Variants in RELN observed in about 807,000 individuals in gnomAD.
The protein encoded by RELN is reelin.
In RELN, 108 loss-of-function variants were observed where a neutral mutation model predicts 427.6. The observed-to-expected ratio is 0.25, with a 90% confidence interval of 0.22 to 0.30. The LOEUF (loss-of-function observed/expected upper bound fraction) is 0.30. Ranked by LOEUF, RELN falls within the 10% of genes least tolerant of loss-of-function variation. The pLI, the probability that RELN is intolerant of heterozygous loss-of-function variation, is 1.00. For synonymous variants in RELN, 1,524 were observed against 1,513.4 expected, an observed-to-expected ratio of 1.01 and a Z score of -0.16; for missense variants, 3,715 against 4,302.8, an observed-to-expected ratio of 0.86 and a Z score of 3.82.
At chr7:103,797,028 T>A (rs1286317584) in intron 3 of RELN, among the ~76,000 whole-genome samples, 2 of 152,166 alleles carry the variant, frequency 1.3e-5, no homozygotes, top group Non-Finnish European at 2.9e-5. Flanking sequence ...TATTAATTGA[T>A]CTCTCCGTAA....
chr7:103,777,237 A>G (rs936775181), intron 3 of RELN, among the ~76,000 whole-genome samples: 5 of 152,178 alleles, frequency 3.3e-5, no homozygotes, highest in African/African-American at 1.2e-4. Flanking sequence ...AAAAAATAAC[A>G]TCCTTGCAGC....
In RELN at chr7:103,610,870, C is replaced by T. The variant is rs1382516245; in HGVS notation, c.2896-63G>A. 6 of 872,926 alleles carry T rather than the reference C, an allele frequency of 6.9e-6. No individual in the cohort carries two copies. In the Admixed American group the frequency reaches 1.0e-4, roughly 15 times the overall value. 54.1% of individuals were successfully genotyped at this position (872,926 alleles called of 1,614,324 possible). A position where few individuals can be genotyped will look rare whatever the true frequency, so the allele number is the denominator to read the frequency against. ...GTTTTCCTCAGGTGAAATATGTCTA[C>T]TCACCCACTGTAAGTGAAAAAGACC... is the stretch of plus-strand genomic sequence containing the variant. On this transcript the variant is annotated intron_variant, in intron 21 of 64. Transcript: ENST00000428762.
chr7:103,909,672 TTAAATATATTTAA>T lies in RELN; in HGVS notation c.337+7390_337+7402del, dbSNP rs1419117186. On this transcript the variant is annotated intron_variant, in intron 2 of 64. Transcript: ENST00000428762. ...TATATTTAATATATATAAATATATA[TTAAATATATTTAA>T]TAAATATATATATTTAATATATATA... Among the ~76,000 whole-genome samples, 121 of 81,256 alleles carry T rather than the reference TTAAATATATTTAA, an allele frequency of 1.5e-3. 9 individuals carry two copies. The highest frequency in any genetic ancestry group is 6.1e-3 in the African/African-American group (112 of 18,442). 53.3% of individuals were successfully genotyped at this position (81,256 alleles called of 152,430 possible).
At chr7:103,941,989 TTAAG>T (rs1463946048) in intron 1 of RELN, among the ~76,000 whole-genome samples, 6 of 151,446 alleles carry the variant, frequency 4.0e-5, no homozygotes, top group African/African-American at 9.7e-5. Flanking sequence ...TACTAATATA[TTAAG>T]TATTAGCATA....
At chr7:103,747,302 T>C (rs1054015259) in intron 6 of RELN, among the ~76,000 whole-genome samples, 3 of 151,914 alleles carry the variant, frequency 2.0e-5, no homozygotes, top group South Asian at 2.1e-4. Context: ...TTAGGAGATA[T>C]ATCTAATGCT....
In RELN at chr7:103,882,513, G is replaced by T. The variant is rs182721703; in HGVS notation, c.337+34562C>A. ...CCTTTAAAAATCCTCCTGCCTGCTG[G>T]TTTTTTTGAAAATCTTATCAAAATA... On this transcript the variant is annotated intron_variant, in intron 2 of 64. Transcript: ENST00000428762. Among the ~76,000 whole-genome samples the T allele has an allele frequency of 7.7e-3, 1,161 of 151,670 alleles. 9 individuals carry two copies. Among genetic ancestry groups the T allele is most frequent in the Non-Finnish European group, 0.013 (906 of 67,910 alleles).
chr7:103,638,646 A>T (rs1832633830), intron 17 of RELN, among the ~76,000 whole-genome samples: 1 of 152,238 alleles, frequency 6.6e-6, no homozygotes, highest in South Asian at 2.1e-4. Context: ...GTAAGCGAAC[A>T]AAGCCAATGA....
intron 28 of RELN, among the ~76,000 whole-genome samples, chr7:103,576,951 C>T (rs1015455246): frequency 9.9e-5 from 15 of 152,284 alleles, no homozygotes; most frequent in Non-Finnish European, 2.2e-4. Context: ...CACGTGCACA[C>T]ACGCACACAC....
intron 3 of RELN, among the ~76,000 whole-genome samples, chr7:103,809,695 C>A (rs1330797294): frequency 6.6e-6 from 1 of 152,122 alleles, no homozygotes; most frequent in East Asian, 1.9e-4. Context: ...ACATAATCAG[C>A]ATTGTAGACC....
At chr7:103,556,504 C>T (rs1051952691) in intron 38 of RELN, among the ~76,000 whole-genome samples, 7 of 151,998 alleles carry the variant, frequency 4.6e-5, no homozygotes, top group African/African-American at 9.7e-5. Context: ...TGTGTCCCCA[C>T]CCAAATCTCA....
chr7:103,487,852 T>G (rs1051378908), intron 60 of RELN, among the ~76,000 whole-genome samples: 4 of 152,174 alleles, frequency 2.6e-5, no homozygotes, highest in Non-Finnish European at 4.4e-5. Context: ...ATATAAGATA[T>G]TCAGTAATGG....
chr7:103,566,223 C>A lies in RELN; in HGVS notation c.4936+1G>T. 1 of 1,609,022 alleles carries A rather than the reference C, an allele frequency of 6.2e-7. No individual in the cohort carries two copies. Among genetic ancestry groups the A allele is most frequent in the Non-Finnish European group, 8.5e-7 (1 of 1,175,468 alleles). ...TCCCTTTATCTGGTGACAATATATACCTATGTTTTCAGTGAATATCAGAGC... is the reference window on the plus strand; with the variant it reads ...TCCCTTTATCTGGTGACAATATATAACTATGTTTTCAGTGAATATCAGAGC... On this transcript the variant is annotated splice_donor_variant, in intron 33 of 64. Coordinates refer to ENST00000428762, the MANE Select transcript of RELN (RefSeq NM_005045.4). LOFTEE classifies it high-confidence loss of function.
At position 103,651,743 on chromosome 7, in the gene RELN, G is replaced by A; in HGVS notation, c.1810C>T (p.Leu604Phe). The change falls in exon 15 of 65, where the codon CTT (leucine) becomes TTT (phenylalanine). Residue 604 changes from leucine to phenylalanine, a missense_variant. By Grantham distance (22) the Leu-to-Phe change is conservative (BLOSUM62 0). Around this residue, in one of 4 missense-constraint regions of RELN, gnomAD observed 2,208 missense variants for 2,361.7 expected, o/e 0.93. Transcript: ENST00000428762. ...STNHGRSWSLLHTECLPEICA... is the reference protein window; with the variant it reads ...STNHGRSWSLFHTECLPEICA... The stretch of plus-strand genomic sequence containing the variant: ...ATCTCAGGTAAGCATTCAGTGTGAA[G>A]GAGGGACCAGGAGCGCCCATGGTTG... 6.2e-7 allele frequency: 1 copy of A among 1,611,828 alleles called. No homozygotes were observed.
intron 1 of RELN, among the ~76,000 whole-genome samples, chr7:103,945,694 C>T (rs1796206549): frequency 6.6e-6 from 1 of 152,196 alleles, no homozygotes; most frequent in Admixed American, 6.5e-5. Context: ...TATTTGAGTA[C>T]AATCAAGAGC....
At chr7:103,704,732 T>C (rs1834164989) in intron 8 of RELN, among the ~76,000 whole-genome samples, 2 of 152,040 alleles carry the variant, frequency 1.3e-5, no homozygotes, top group South Asian at 2.1e-4. Flanking sequence ...GCTCCTTCCC[T>C]TCCTATTTTT....
At position 103,491,856 on chromosome 7, in the gene RELN, T is replaced by TCTCACA. The variant is rs57217576; in HGVS notation, c.9443+96_9443+97insTGTGAG. ...CTCTCTCTCTCTCTCTCTCTCTCTC[T>TCTCACA]CACACACACACACACACACACACAC... On this transcript the variant is annotated intron_variant, in intron 58 of 64. Coordinates refer to ENST00000428762, the MANE Select transcript of RELN (RefSeq NM_005045.4). The TCTCACA allele has an allele frequency of 4.0e-3, 1,150 of 288,070 alleles. 10 individuals are homozygous for TCTCACA. The highest frequency in any genetic ancestry group is 0.025 in the African/African-American group (691 of 27,516). 17.8% of individuals were successfully genotyped at this position (288,070 alleles called of 1,614,324 possible). A position where few individuals can be genotyped will look rare whatever the true frequency, so the allele number is the denominator to read the frequency against.
At chr7:103,508,543 A>C (rs1453608819) in intron 51 of RELN, among the ~76,000 whole-genome samples, 1 of 152,226 alleles carries the variant, frequency 6.6e-6, no homozygotes, top group Non-Finnish European at 1.5e-5. Flanking sequence ...AGCCAATATC[A>C]TACTGAATGG....
intron 20 of RELN, among the ~76,000 whole-genome samples, chr7:103,612,325 T>G (rs78407551): frequency 6.7e-6 from 1 of 150,302 alleles, no homozygotes; most frequent in East Asian, 1.9e-4. Context: ...TTTTTTTTTT[T>G]GAGACGGAGT....
intron 2 of RELN, among the ~76,000 whole-genome samples, chr7:103,877,858 C>CTTT (rs34224768): frequency 8.3e-6 from 1 of 120,666 alleles, no homozygotes. Flanking sequence ...CTCTCCCTGC[C>CTTT]TTTTTTTTTT....
Sources: allele counts gnomAD v4.1 joint callset (sites outside exome capture counted in the v4.1 genomes callset), GRCh38; gene constraint gnomAD v4.1.1; regional missense constraint gnomAD v4.1.1; transcripts MANE v1.5; gene names NCBI Gene and HGNC (gene_info 2026-07-23, HGNC 2026-07-21).